Variants in NTM observed in about 807,000 individuals in gnomAD.
The protein encoded by NTM is neurotrimin.
NTM carries 13 observed loss-of-function variants against 42.1 expected under a neutral mutation model. The ratio of observed to expected loss-of-function variants is 0.31; its 90% confidence interval spans 0.20 to 0.49. The LOEUF (loss-of-function observed/expected upper bound fraction) is 0.49. NTM is among the 20% of genes least tolerant of loss of function. NTM has a pLI of 0.99. For synonymous variants in NTM, 187 were observed against 179.2 expected (o/e 1.04, Z -0.35); for missense variants, 373 against 452.8 (o/e 0.82, Z 1.60).
intron 2 of NTM, among the ~76,000 whole-genome samples, chr11:131,975,397 C>A (rs1038523929): frequency 2.0e-5 from 3 of 152,158 alleles, no homozygotes; most frequent in Non-Finnish European, 4.4e-5. Context: ...CCAGGCTGGT[C>A]TCTATCTCTT....
At chr11:131,772,283 G>A (rs113962695) in intron 1 of NTM, among the ~76,000 whole-genome samples, 2 of 152,086 alleles carry the variant, frequency 1.3e-5, no homozygotes, top group African/African-American at 4.8e-5. Context: ...TAGTCCATCC[G>A]CCTACCCCTG....
rs10604283 is a variant in NTM at position 131,834,625 on chromosome 11, C to CATATATATATATATATAT, written c.83-76936_83-76919dup. On this transcript the variant is annotated intron_variant, in intron 1 of 8. Transcript: ENST00000683400. The stretch of plus-strand genomic sequence containing the variant: ...TAGTGTGTGTATATATATACATATA[C>CATATATATATATATATAT]ATATATATATATATATATATGTATA... 4.4e-3 allele frequency among the ~76,000 whole-genome samples: 584 copies of CATATATATATATATATAT among 133,924 alleles called. 8 individuals carry two copies. The highest frequency in any genetic ancestry group is 6.0e-3 in the African/African-American group (223 of 37,200). 87.9% of individuals were successfully genotyped at this position (133,924 alleles called of 152,430 possible).
At chr11:131,980,179 C>T (rs536110569) in intron 2 of NTM, among the ~76,000 whole-genome samples, 1 of 152,278 alleles carries the variant, frequency 6.6e-6, no homozygotes, top group South Asian at 2.1e-4. Flanking sequence ...TTTACTTCCA[C>T]CCATGTTTCT....
chr11:132,169,413 G>C (rs2075817195), intron 3 of NTM, among the ~76,000 whole-genome samples: 1 of 123,450 alleles, frequency 8.1e-6, no homozygotes, highest in African/African-American at 3.1e-5. Flanking sequence ...TCAGCTCACT[G>C]CAACTTCTGC....
rs148242185 is a variant in NTM at position 132,292,000 on chromosome 11, TG to T, written c.527-15685del. ...GACTGTGAAAAGAGGCTGTGGAGCC[TG>T]GGGTCAGTGGAAAACAGTGGTGTTA... On this transcript the variant is annotated intron_variant, in intron 4 of 8. Transcript: ENST00000683400. 4.4e-3 allele frequency among the ~76,000 whole-genome samples: 665 copies of T among 152,202 alleles called. 6 individuals are homozygous for T. The highest frequency in any genetic ancestry group is 0.015 in the African/African-American group (625 of 41,542).
At chr11:131,553,041 A>G (rs891171811) in intron 1 of NTM, among the ~76,000 whole-genome samples, 3 of 152,184 alleles carry the variant, frequency 2.0e-5, no homozygotes, top group African/African-American at 7.2e-5. Context: ...GCAAAATTAA[A>G]CTCTTATGTT....
chr11:131,965,372 G>C (rs1422304677), intron 2 of NTM, among the ~76,000 whole-genome samples: 1 of 152,122 alleles, frequency 6.6e-6, no homozygotes, highest in Non-Finnish European at 1.5e-5. Flanking sequence ...GAGTGAGGCA[G>C]AATAAAATAA....
chr11:132,013,927 CATTGTTGTTAACT>C (rs2072823383), intron 2 of NTM, among the ~76,000 whole-genome samples: 1 of 152,070 alleles, frequency 6.6e-6, no homozygotes, highest in Non-Finnish European at 1.5e-5. Context: ...ATGTACAGTA[CATTGTTGTTAACT>C]ATATTTACCA....
At chr11:132,128,978 A>G (rs2066345629) in intron 2 of NTM, among the ~76,000 whole-genome samples, 3 of 146,784 alleles carry the variant, frequency 2.0e-5, no homozygotes, top group Non-Finnish European at 3.0e-5. Context: ...GAGGCTGGTA[A>G]GGTCAGAAAT....
chr11:132,335,886 G>A lies in NTM; in HGVS notation c.*740G>A, dbSNP rs990632310. 2.6e-5 allele frequency: 4 copies of A among 152,526 alleles called. No individual in the cohort carries two copies. The highest frequency in any genetic ancestry group is 4.2e-4 in the South Asian group (2 of 4,816). 9.4% of individuals were successfully genotyped at this position (152,526 alleles called of 1,614,324 possible). A position where few individuals can be genotyped will look rare whatever the true frequency, so the allele number is the denominator to read the frequency against. Reference sequence around the variant, plus strand: ...AAAATACAACTGAGAAGGGTGAAGAGAAGTATGTTTGTTAAACAGTAAAAA... The same window carrying A: ...AAAATACAACTGAGAAGGGTGAAGAAAAGTATGTTTGTTAAACAGTAAAAA... On this transcript the variant is annotated 3_prime_UTR_variant, in exon 9 of 9. Transcript: ENST00000683400.
intron 2 of NTM, among the ~76,000 whole-genome samples, chr11:131,945,340 C>T (rs1488117141): frequency 6.6e-6 from 1 of 152,142 alleles, no homozygotes; most frequent in Non-Finnish European, 1.5e-5. Flanking sequence ...AACTCCACAG[C>T]GCTCTCATAT....
intron 4 of NTM, among the ~76,000 whole-genome samples, chr11:132,245,849 ACTC>A (rs1443354825): frequency 2.0e-5 from 3 of 150,166 alleles, no homozygotes; most frequent in Non-Finnish European, 3.0e-5. Flanking sequence ...CAGGGTTGAA[ACTC>A]CTCGGTTGCT....
intron 3 of NTM, among the ~76,000 whole-genome samples, chr11:132,187,212 GGC>G (rs1335982024): frequency 4.0e-5 from 4 of 100,060 alleles, no homozygotes; most frequent in African/African-American, 1.7e-4. Context: ...TTGCTCAGAT[GGC>G]GTGTGTGTGT....
chr11:132,038,088 A>G (rs185236179), intron 2 of NTM, among the ~76,000 whole-genome samples: 73 of 152,248 alleles, frequency 4.8e-4, no homozygotes, highest in Non-Finnish European at 4.1e-4. Flanking sequence ...AAGATGTCAC[A>G]GGACTGGGGC....
At chr11:132,122,194 G>T (rs1282905350) in intron 2 of NTM, among the ~76,000 whole-genome samples, 1 of 152,196 alleles carries the variant, frequency 6.6e-6, no homozygotes, top group African/African-American at 2.4e-5. Context: ...TTGGGAAGAT[G>T]TAGGGCTGGG....
intron 7 of NTM, 33 bp downstream of exon 7, chr11:132,314,736 G>GGGAGAGGGTGCAGAACGGGAGAGCTGGGT: frequency 6.3e-7 from 1 of 1,594,382 alleles, no homozygotes; most frequent in South Asian, 1.1e-5. Context: ...GCAAGAAGAG[G>GGGAGAGGGTGCAGAACGGGAGAGCTGGGT]GGAGAGGGTG....
At chr11:132,291,362 G>A (rs2094446074) in intron 4 of NTM, among the ~76,000 whole-genome samples, 1 of 152,050 alleles carries the variant, frequency 6.6e-6, no homozygotes, top group African/African-American at 2.4e-5. Context: ...TGAGAAATGT[G>A]ACTGGTAAAG....
intron 4 of NTM, among the ~76,000 whole-genome samples, chr11:132,279,890 A>C (rs952673651): frequency 7.2e-5 from 11 of 152,326 alleles, no homozygotes; most frequent in African/African-American, 2.4e-4. Flanking sequence ...TGGGCTGTCC[A>C]TCTCTTAATG....
At chr11:131,459,388 A>G (rs537991005) in intron 1 of NTM, among the ~76,000 whole-genome samples, 1 of 152,352 alleles carries the variant, frequency 6.6e-6, no homozygotes, top group East Asian at 1.9e-4. Flanking sequence ...TTCTATGTTC[A>G]TCTATAGGAT....
Sources: gnomAD v4.1 joint callset for allele counts (sites outside exome capture counted in the v4.1 genomes callset) on GRCh38, gnomAD v4.1.1 for gene constraint, MANE v1.5 for transcripts, NCBI Gene and HGNC (gene_info 2026-07-23, HGNC 2026-07-21) for gene names.